XPR1: variants seen among roughly 807,000 people sequenced by gnomAD.
XPR1 encodes the protein solute carrier family 53 member 1.
In XPR1, 28 loss-of-function variants were observed where a neutral mutation model predicts 87.5. The ratio of observed to expected loss-of-function variants is 0.32; its 90% confidence interval spans 0.24 to 0.44. The LOEUF is 0.44. Among genes scored for constraint, XPR1 ranks in the 20% least tolerant of loss-of-function variants. The pLI, the probability that XPR1 is intolerant of heterozygous loss-of-function variation, is 1.00. For synonymous variants in XPR1, 300 were observed against 306.1 expected, an observed-to-expected ratio of 0.98 and a Z score of 0.21; for missense variants, 559 against 862.3, an observed-to-expected ratio of 0.65 and a Z score of 4.41.
Position 180,835,421 on chromosome 1 carries a change from A to G in XPR1, c.1306+376A>G, listed in dbSNP as rs182802733. ...AATACTAATTATTTAGAAATAGATC[A>G]AGTGCTTTGAGAGTAACTACAGATT... On this transcript the variant is annotated intron_variant, in intron 10 of 14. Coordinates refer to ENST00000367590, the MANE Select transcript of XPR1 (RefSeq NM_004736.4). Among the ~76,000 whole-genome samples the G allele has an allele frequency of 2.3e-3, 355 of 152,300 alleles. 6 individuals are homozygous for G. The highest frequency in any genetic ancestry group is 5.0e-4 in the Non-Finnish European group (34 of 68,038).
chr1:180,759,199 A>T (rs371086558), intron 2 of XPR1, among the ~76,000 whole-genome samples: 3 of 152,164 alleles, frequency 2.0e-5, no homozygotes, highest in Admixed American at 1.3e-4. Context: ...ACATCACAAT[A>T]AAAAGAACTA....
At chr1:180,838,386 G>A (rs1015160844) in intron 11 of XPR1, among the ~76,000 whole-genome samples, 2 of 152,008 alleles carry the variant, frequency 1.3e-5, no homozygotes, top group East Asian at 1.9e-4. Context: ...ATGTTAAGCG[G>A]ACCTATGAAG....
intron 7 of XPR1, among the ~76,000 whole-genome samples, chr1:180,824,529 C>T (rs1328974281): frequency 6.6e-6 from 1 of 151,876 alleles, no homozygotes; most frequent in Non-Finnish European, 1.5e-5. Context: ...TGCAGTGAGC[C>T]GAGATCACGC....
Position 180,632,093 on chromosome 1 carries a change from G to A in XPR1, c.-109G>A, listed in dbSNP as rs529613528. 11 of 1,352,128 alleles carry A rather than the reference G, an allele frequency of 8.1e-6. No homozygotes were observed. The highest frequency in any genetic ancestry group is 5.8e-5 in the African/African-American group (4 of 69,252). 83.8% of individuals were successfully genotyped at this position (1,352,128 alleles called of 1,614,324 possible). A position where few individuals can be genotyped will look rare whatever the true frequency, so the allele number is the denominator to read the frequency against. On this transcript the variant is annotated 5_prime_UTR_variant, in exon 1 of 15. Coordinates refer to ENST00000367590, the MANE Select transcript of XPR1 (RefSeq NM_004736.4). ...TCGGCGGCGGCGGAGGAGGAGAGAA[G>A]CGCAGCGCCGCGCCGCGCCGGGGCC... is the stretch of plus-strand genomic sequence containing the variant.
At chr1:180,637,193 A>G (rs999933577) in intron 1 of XPR1, among the ~76,000 whole-genome samples, 3 of 152,386 alleles carry the variant, frequency 2.0e-5, no homozygotes, top group Non-Finnish European at 4.4e-5. Context: ...TAAGGAGGTC[A>G]TGCACAGGTA....
chr1:180,811,348 A>G (rs903929835), intron 6 of XPR1, 59 bp from the exon 7 acceptor site: 4 of 1,312,680 alleles, frequency 3.0e-6, no homozygotes, highest in South Asian at 1.2e-5. Flanking sequence ...TTATTACAGC[A>G]TATAGTAAAT....
At chr1:180,758,381 A>C (rs1344504247) in intron 2 of XPR1, among the ~76,000 whole-genome samples, 3 of 152,090 alleles carry the variant, frequency 2.0e-5, no homozygotes, top group Non-Finnish European at 4.4e-5. Context: ...AATAATATAA[A>C]AGTATTTATT....
At chr1:180,707,363 T>C (rs1657594790) in intron 2 of XPR1, among the ~76,000 whole-genome samples, 1 of 152,216 alleles carries the variant, frequency 6.6e-6, no homozygotes, top group African/African-American at 2.4e-5. Flanking sequence ...GATAGGCTAG[T>C]GTGTGTTGCT....
intron 7 of XPR1, among the ~76,000 whole-genome samples, chr1:180,818,690 A>G (rs1650503683): frequency 6.6e-6 from 1 of 152,150 alleles, no homozygotes; most frequent in South Asian, 2.1e-4. Context: ...GAGAGATGAT[A>G]TACTTATTCT....
At chr1:180,791,012 G>A (rs1206380662) in intron 3 of XPR1, among the ~76,000 whole-genome samples, 1 of 152,156 alleles carries the variant, frequency 6.6e-6, no homozygotes, top group Non-Finnish European at 1.5e-5. Context: ...GCAGGAGGAG[G>A]AGGAGGAAAC....
chr1:180,881,361 C>T (rs1049691426), intron 14 of XPR1, among the ~76,000 whole-genome samples: 1 of 152,124 alleles, frequency 6.6e-6, no homozygotes, highest in African/African-American at 2.4e-5. Context: ...GATGGGGTTT[C>T]ACCATGTTAG....
chr1:180,736,005 C>T (rs917592309), intron 2 of XPR1, among the ~76,000 whole-genome samples: 1 of 152,138 alleles, frequency 6.6e-6, no homozygotes, highest in Non-Finnish European at 1.5e-5. Context: ...AAAATAGATA[C>T]TAGCCCTGTC....
Position 180,641,656 on chromosome 1 carries a change from G to A in XPR1, c.69+9386G>A, listed in dbSNP as rs138293891. 2.9e-3 allele frequency among the ~76,000 whole-genome samples: 441 copies of A among 152,134 alleles called. 3 individuals are homozygous for A. The highest frequency in any genetic ancestry group is 9.6e-3 in the African/African-American group (399 of 41,516). ...TAAGTGAGTTGCTTGAGTTTTTAGTGGGTATCTGATTTTAGTTCTTTTCAA... is the reference window on the plus strand; with the variant it reads ...TAAGTGAGTTGCTTGAGTTTTTAGTAGGTATCTGATTTTAGTTCTTTTCAA... On this transcript the variant is annotated intron_variant, in intron 1 of 14. Coordinates refer to ENST00000367590, the MANE Select transcript of XPR1 (RefSeq NM_004736.4).
At position 180,817,068 on chromosome 1, in the gene XPR1, C is replaced by A. The variant is rs547788561; in HGVS notation, c.763+5580C>A. ...CCTAGGCTAATATGTGTGTTAATGC[C>A]TTAGTTTTTAAGAAGGTTTAAAAAG... On this transcript the variant is annotated intron_variant, in intron 7 of 14. Transcript: ENST00000367590. 2.1e-4 allele frequency among the ~76,000 whole-genome samples: 32 copies of A among 151,490 alleles called. 2 individuals are homozygous for A. In the South Asian group the frequency reaches 6.5e-3, roughly 31 times the overall value.
intron 3 of XPR1, among the ~76,000 whole-genome samples, chr1:180,797,257 G>GT (rs1234801777): frequency 6.6e-6 from 1 of 152,206 alleles, no homozygotes; most frequent in African/African-American, 2.4e-5. Context: ...CAGTCAGTCA[G>GT]TGAAGCAAAC....
intron 2 of XPR1, among the ~76,000 whole-genome samples, chr1:180,692,907 T>C (rs77488480): frequency 6.6e-6 from 1 of 152,222 alleles, no homozygotes; most frequent in Non-Finnish European, 1.5e-5. Context: ...CCTTTCTTTG[T>C]GACACTGTTT....
intron 2 of XPR1, among the ~76,000 whole-genome samples, chr1:180,704,463 A>G (rs1377030528): frequency 2.0e-5 from 3 of 151,312 alleles, no homozygotes; most frequent in Admixed American, 1.3e-4. Flanking sequence ...TATAGGAAAG[A>G]TAGCATAAAT....
intron 2 of XPR1, among the ~76,000 whole-genome samples, chr1:180,769,204 A>G (rs1648404681): frequency 6.6e-6 from 1 of 152,192 alleles, no homozygotes; most frequent in African/African-American, 2.4e-5. Flanking sequence ...TAGTCACATC[A>G]TGGAGAATGA....
intron 1 of XPR1, among the ~76,000 whole-genome samples, chr1:180,655,510 C>T (rs779615650): frequency 5.5e-4 from 83 of 151,732 alleles, no homozygotes; most frequent in Non-Finnish European, 9.6e-4. Flanking sequence ...AGCCTATCCT[C>T]CCACCTCAGC....
Sources: allele counts gnomAD v4.1 joint callset (sites outside exome capture counted in the v4.1 genomes callset), GRCh38; gene constraint gnomAD v4.1.1; transcripts MANE v1.5; gene names NCBI Gene and HGNC (gene_info 2026-07-23, HGNC 2026-07-21).